CCDC62: variants seen among roughly 807,000 people sequenced by gnomAD.
The protein encoded by CCDC62 is coiled-coil domain-containing protein 62.
In CCDC62, 72 loss-of-function variants were observed where a neutral mutation model predicts 80.8. The observed-to-expected ratio is 0.89, with a 90% confidence interval of 0.74 to 1.08. The LOEUF is 1.08. Among genes scored for constraint, CCDC62 ranks in the 50% least tolerant of loss-of-function variants. CCDC62 has a pLI of 0.00. For missense variants in CCDC62, 704 were observed against 809.4 expected, an observed-to-expected ratio of 0.87 and a Z score of 1.58; for synonymous variants, 286 against 296.5, an observed-to-expected ratio of 0.96 and a Z score of 0.36.
At position 122,774,704 on chromosome 12, in the gene CCDC62, C is replaced by A. The variant is rs747912713; in HGVS notation, c.34C>A (p.Gln12Lys). ...NPPAAFLAGR[Q>K]NIGSEVEIST... The stretch of plus-strand genomic sequence containing the variant: ...TCCGGCAGCCTTCCTTGCCGGGCGC[C>A]AGGTAAGCAGCGGTTCCGGGCGCGG... Residue 12 changes from glutamine to lysine, a missense_variant and splice_region_variant, in exon 1 of 13, where the codon CAG becomes AAG. Gln to Lys is a moderately conservative substitution (Grantham distance 53, BLOSUM62 1). Coordinates refer to ENST00000253079, the MANE Select transcript of CCDC62 (RefSeq NM_201435.5). 1 of 1,256,100 alleles carries A rather than the reference C, an allele frequency of 8.0e-7. No homozygotes were observed. Among genetic ancestry groups the A allele is most frequent in the East Asian group, 3.1e-5 (1 of 32,388 alleles). 77.8% of individuals were successfully genotyped at this position (1,256,100 alleles called of 1,614,324 possible).
chr12:122,783,634 C>T (rs60469279), intron 3 of CCDC62, among the ~76,000 whole-genome samples: 8,477 of 152,130 alleles, frequency 0.056, 413 homozygotes, highest in East Asian at 0.27. Context: ...GAATACTATT[C>T]TAGATAGTTT....
At chr12:122,810,214 C>A (rs1474395859) in intron 10 of CCDC62, among the ~76,000 whole-genome samples, 2 of 152,068 alleles carry the variant, frequency 1.3e-5, no homozygotes, top group Non-Finnish European at 2.9e-5. Context: ...AAAGAAACTA[C>A]CATCAGAGTG....
intron 3 of CCDC62, 28 bp downstream of exon 3, chr12:122,781,358 C>T (rs573875044): frequency 6.8e-5 from 108 of 1,599,000 alleles, no homozygotes; most frequent in Admixed American, 4.5e-4. Context: ...ATAAGCTTCA[C>T]TAGTCCAAAT....
intron 11 of CCDC62, among the ~76,000 whole-genome samples, chr12:122,818,325 C>T (rs544435431): frequency 5.6e-4 from 85 of 151,960 alleles, no homozygotes; most frequent in African/African-American, 1.9e-3. Context: ...TGGTGGCGGG[C>T]GCCTGTAGTC....
chr12:122,818,215 G>A lies in CCDC62; in HGVS notation c.2001+4796G>A, dbSNP rs2032248385. On this transcript the variant is annotated intron_variant, in intron 11 of 12. Transcript: ENST00000253079. ...CGCCTGTAATCCCAGCACTTTGGGA[G>A]GCCGAGGCAGGCGGATCATGAGGTC... Among the ~76,000 whole-genome samples, 4 of 152,200 alleles carry A rather than the reference G, an allele frequency of 2.6e-5. No individual in the cohort carries two copies. In the South Asian group the frequency reaches 8.3e-4, roughly 32 times the overall value.
intron 9 of CCDC62, among the ~76,000 whole-genome samples, chr12:122,805,177 A>C: frequency 7.4e-6 from 1 of 134,778 alleles, no homozygotes; most frequent in Non-Finnish European, 1.5e-5. Context: ...GAGTCACCGC[A>C]ACTGGCCGGC....
At chr12:122,818,494 C>T (rs940745457) in intron 11 of CCDC62, among the ~76,000 whole-genome samples, 2 of 151,070 alleles carry the variant, frequency 1.3e-5, no homozygotes, top group African/African-American at 4.9e-5. Flanking sequence ...CGTGGTGACC[C>T]ATGACTGTAG....
chr12:122,784,757 C>T (rs1236764621), intron 3 of CCDC62, among the ~76,000 whole-genome samples: 1 of 152,082 alleles, frequency 6.6e-6, no homozygotes, highest in Non-Finnish European at 1.5e-5. Flanking sequence ...ACTGCTTGAG[C>T]CCAGGAGTTC....
intron 4 of CCDC62, among the ~76,000 whole-genome samples, chr12:122,787,380 G>A (rs1355876624): frequency 2.0e-5 from 3 of 151,768 alleles, no homozygotes; most frequent in East Asian, 3.9e-4. Flanking sequence ...GAAGCCGGGA[G>A]GTGGAGGTTG....
In CCDC62 at chr12:122,822,379, C is replaced by T. The variant is rs180786817; in HGVS notation, c.2002-987C>T. Among the ~76,000 whole-genome samples, 1,433 of 152,086 alleles carry T rather than the reference C, an allele frequency of 9.4e-3. 8 individuals carry two copies. Among genetic ancestry groups the T allele is most frequent in the Non-Finnish European group, 0.015 (993 of 67,996 alleles). ...TCGGCCTCCCAAAGTGCTGGGATTA[C>T]AGGCGTGAGCCACTGCACCTGGCCA... On this transcript the variant is annotated intron_variant, in intron 11 of 12. Coordinates refer to ENST00000253079, the MANE Select transcript of CCDC62 (RefSeq NM_201435.5).
intron 3 of CCDC62, among the ~76,000 whole-genome samples, chr12:122,785,311 A>G (rs1029769407): frequency 1.3e-5 from 2 of 152,178 alleles, no homozygotes; most frequent in African/African-American, 4.8e-5. Context: ...ACAATTCACT[A>G]ATGCTACTTT....
intron 2 of CCDC62, among the ~76,000 whole-genome samples, chr12:122,780,125 T>C (rs1459461115): frequency 3.7e-4 from 48 of 130,998 alleles, no homozygotes; most frequent in East Asian, 1.7e-3. Context: ...TCCTGGCCAA[T>C]ATGGTGAAAC....
At chr12:122,824,188 G>A (rs970301346) in intron 12 of CCDC62, among the ~76,000 whole-genome samples, 2 of 152,140 alleles carry the variant, frequency 1.3e-5, no homozygotes, top group Admixed American at 1.3e-4. Context: ...GGCCAAGGCG[G>A]GTGGATCACT....
intron 5 of CCDC62, among the ~76,000 whole-genome samples, chr12:122,789,853 C>T (rs557038557): frequency 1.4e-4 from 21 of 152,278 alleles, no homozygotes; most frequent in African/African-American, 5.1e-4. Context: ...AAACCATAAT[C>T]GTATTATCAT....
intron 6 of CCDC62, among the ~76,000 whole-genome samples, chr12:122,795,848 C>T (rs957735884): frequency 4.6e-5 from 7 of 152,176 alleles, no homozygotes; most frequent in South Asian, 2.1e-4. Context: ...GAGTGTCTGC[C>T]TCAGGTCTCC....
In CCDC62 at chr12:122,774,768, A is replaced by G. The variant is rs1034476559; in HGVS notation, c.36+62A>G. The G allele has an allele frequency of 1.3e-5, 15 of 1,169,612 alleles. No homozygotes were observed. In the South Asian group the frequency reaches 1.3e-4, roughly 10 times the overall value. The allele number at this position is 1,169,612 out of a possible 1,614,324, so 72.5% of individuals were successfully genotyped here. A position where few individuals can be genotyped will look rare whatever the true frequency, so the allele number is the denominator to read the frequency against. On this transcript the variant is annotated intron_variant, in intron 1 of 12. Transcript: ENST00000253079. ...GAACGGTGCACATTGGTCGAAATCT[A>G]TTGCTTCTCAAGAACGGTGTCTACT...
intron 1 of CCDC62, among the ~76,000 whole-genome samples, chr12:122,775,013 G>A (rs2135520497): frequency 7.3e-6 from 1 of 137,762 alleles, no homozygotes; most frequent in African/African-American, 2.7e-5. Flanking sequence ...AGAATGGCGT[G>A]AACCCGGGAG....
intron 10 of CCDC62, among the ~76,000 whole-genome samples, chr12:122,811,084 G>C (rs2031851712): frequency 6.6e-6 from 1 of 151,714 alleles, no homozygotes; most frequent in Non-Finnish European, 1.5e-5. Context: ...ATGAGTTAAT[G>C]GGTGCAGCAC....
chr12:122,816,913 C>T (rs1238644271), intron 11 of CCDC62, among the ~76,000 whole-genome samples: 1 of 152,094 alleles, frequency 6.6e-6, no homozygotes, highest in African/African-American at 2.4e-5. Context: ...CTGGTTACCA[C>T]AATCTACTTT....
Sources: allele counts gnomAD v4.1 joint callset (sites outside exome capture counted in the v4.1 genomes callset), GRCh38; gene constraint gnomAD v4.1.1; transcripts MANE v1.5; gene names NCBI Gene and HGNC (gene_info 2026-07-23, HGNC 2026-07-21).